The following LIPA variants were observed in gnomAD, a reference collection of about 807,000 sequenced individuals.
LIPA encodes the protein lysosomal acid lipase/cholesteryl ester hydrolase.
Under a neutral mutation model 40.6 loss-of-function variants are expected in LIPA, and 26 were observed. The observed-to-expected ratio is 0.64, with a 90% CI of 0.47 to 0.89. LIPA has a LOEUF of 0.89. Among genes scored for constraint, LIPA ranks in the 40% least tolerant of loss-of-function variants. The pLI is 0.00. For missense variants in LIPA, 455 were observed against 479.6 expected (o/e 0.95, Z 0.48); for synonymous variants, 188 against 168.4 (o/e 1.12, Z -0.90).
intron 2 of LIPA, among the ~76,000 whole-genome samples, chr10:89,386,367 C>T (rs985981452): frequency 1.7e-4 from 26 of 152,048 alleles, no homozygotes; most frequent in African/African-American, 5.8e-4. Context: ...TTAGATGACA[C>T]CTGGAAAGCA....
chr10:89,401,788 A>C (rs969130089), intron 2 of LIPA, among the ~76,000 whole-genome samples: 6 of 59,232 alleles, frequency 1.0e-4, no homozygotes, highest in Admixed American at 1.5e-4. Flanking sequence ...TAAAAAAAAA[A>C]TGAAAAAAAA....
At chr10:89,324,425 T>C (rs1397890039) in intron 1 of LIPA, among the ~76,000 whole-genome samples, 1 of 152,058 alleles carries the variant, frequency 6.6e-6, no homozygotes, top group African/African-American at 2.4e-5. Context: ...CCCTGGAAGA[T>C]AACCTAGGAA....
chr10:89,336,117 AAAGG>A (rs540213727), intron 1 of LIPA, among the ~76,000 whole-genome samples: 146 of 149,046 alleles, frequency 9.8e-4, no homozygotes, highest in African/African-American at 3.4e-3. Flanking sequence ...CTCTGCAAAA[AAAGG>A]AAGGAAGGGA....
chr10:89,250,752 T>C (rs1843108045), intron 1 of LIPA, among the ~76,000 whole-genome samples: 1 of 152,194 alleles, frequency 6.6e-6, no homozygotes, highest in African/African-American at 2.4e-5. Context: ...CAGTTAAGTT[T>C]TCCTTCCAAC....
intron 1 of LIPA, chr10:89,338,867 T>C (rs1367447509): frequency 6.2e-7 from 1 of 1,614,166 alleles, no homozygotes; most frequent in Non-Finnish European, 8.5e-7. Flanking sequence ...GAGGCAGCCC[T>C]GGAATGCTTA....
chr10:89,215,065 C>A lies in LIPA; in HGVS notation c.967-4G>T. ...CATTGTATGTGGGAGGATAACTCTA[C>A]AATGAAAAGGAACCAGAGAAAGCCT... On this transcript the variant is annotated splice_polypyrimidine_tract_variant and splice_region_variant and intron_variant, in intron 9 of 9. Coordinates refer to ENST00000336233, the MANE Select transcript of LIPA (RefSeq NM_000235.4). 1 of 1,598,618 alleles carries A rather than the reference C, an allele frequency of 6.3e-7. No individual in the cohort carries two copies. The highest frequency in any genetic ancestry group is 8.6e-7 in the Non-Finnish European group (1 of 1,165,834).
intron 1 of LIPA, among the ~76,000 whole-genome samples, chr10:89,257,083 A>C (rs894726110): frequency 6.6e-6 from 1 of 152,232 alleles, no homozygotes; most frequent in Admixed American, 6.5e-5. Context: ...TTTTGAATCA[A>C]TTGTCCTTGG....
chr10:89,347,209 G>T (rs570942262), upstream of LIPA, among the ~76,000 whole-genome samples: 1 of 152,198 alleles, frequency 6.6e-6, no homozygotes, highest in Non-Finnish European at 1.5e-5. Flanking sequence ...CAAGAGGGCC[G>T]GTAGAGTCAT....
In LIPA at chr10:89,384,050, G is replaced by A. The variant is rs1062961; in HGVS notation, c.61+28741C>T. 28 of 1,614,202 alleles carry A rather than the reference G, an allele frequency of 1.7e-5. 2 individuals carry two copies. The African/African-American group carries it at 2.9e-4, about 17-fold the overall frequency. On this transcript the variant is annotated intron_variant, in intron 2 of 8. Transcript: ENST00000371837. The stretch of plus-strand genomic sequence containing the variant: ...AAGTACATTGAAGAAGCTCTGACCA[G>A]TATATCTTCACAGGCCTATGTCTTT...
intron 2 of LIPA, among the ~76,000 whole-genome samples, chr10:89,368,133 T>A (rs1224820796): frequency 6.6e-6 from 1 of 152,214 alleles, no homozygotes; most frequent in East Asian, 1.9e-4. Context: ...ATTGATTGAC[T>A]CTCTTGACAT....
At chr10:89,403,208 A>G in intron 2 of LIPA, 2 of 1,614,238 alleles carry the variant, frequency 1.2e-6, no homozygotes. Context: ...GGCAGCCTAG[A>G]GGGCAGAACA....
chr10:89,251,115 T>C (rs1236533167), intron 1 of LIPA, among the ~76,000 whole-genome samples: 1 of 152,246 alleles, frequency 6.6e-6, no homozygotes, highest in Non-Finnish European at 1.5e-5. Flanking sequence ...GACTCCCATT[T>C]AAGCTCTTGC....
chr10:89,241,650 C>G (rs926377253), intron 3 of LIPA, among the ~76,000 whole-genome samples: 1 of 152,134 alleles, frequency 6.6e-6, no homozygotes, highest in Non-Finnish European at 1.5e-5. Context: ...CAATGGACAA[C>G]CCCTGGGGAA....
At chr10:89,318,490 A>T (rs1843554144) in intron 1 of LIPA, among the ~76,000 whole-genome samples, 1 of 152,232 alleles carries the variant, frequency 6.6e-6, no homozygotes, top group African/African-American at 2.4e-5. Context: ...TGGTAAAGGG[A>T]TCAATTCAAC....
chr10:89,395,707 T>C (rs376057184), intron 2 of LIPA, among the ~76,000 whole-genome samples: 81 of 152,078 alleles, frequency 5.3e-4, no homozygotes, highest in African/African-American at 1.8e-3. Context: ...AATAAAGAAG[T>C]ATCCCAAGAA....
intron 2 of LIPA, among the ~76,000 whole-genome samples, chr10:89,391,670 C>A (rs908631805): frequency 2.0e-5 from 3 of 151,946 alleles, no homozygotes; most frequent in Non-Finnish European, 4.4e-5. Context: ...GGTGGGACTA[C>A]AGGTGCACAC....
At chr10:89,257,541 T>G (rs914484650) in intron 1 of LIPA, among the ~76,000 whole-genome samples, 4 of 152,186 alleles carry the variant, frequency 2.6e-5, no homozygotes, top group Admixed American at 1.3e-4. Flanking sequence ...GGAAAAAGTA[T>G]GAAACGATAA....
At chr10:89,224,599 C>T (rs1029398607) in intron 6 of LIPA, among the ~76,000 whole-genome samples, 9 of 152,168 alleles carry the variant, frequency 5.9e-5, no homozygotes, top group African/African-American at 7.2e-5. Context: ...AACAGAGGTT[C>T]GGGTGCCACA....
At chr10:89,414,180 C>T (rs538172400) in intron 1 of LIPA, among the ~76,000 whole-genome samples, 16 of 152,222 alleles carry the variant, frequency 1.1e-4, no homozygotes, top group African/African-American at 3.9e-4. Context: ...CAGTTTACAC[C>T]CAACAGAAAT....
Sources: gnomAD v4.1 joint callset for allele counts (sites outside exome capture counted in the v4.1 genomes callset) on GRCh38, gnomAD v4.1.1 for gene constraint, MANE v1.5 for transcripts, NCBI Gene and HGNC (gene_info 2026-07-23, HGNC 2026-07-21) for gene names.